The following FLG2 variants were observed in gnomAD, a reference collection of about 807,000 sequenced individuals.
FLG2 encodes filaggrin 2.
In FLG2, 7 loss-of-function variants were observed where a neutral mutation model predicts 3.9. The observed-to-expected ratio is 1.79, with a 90% CI of 1.02 to 3.36. The LOEUF (loss-of-function observed/expected upper bound fraction) is 3.36, where lower values mean the gene tolerates loss of function less well. FLG2 is among the 30% of genes most tolerant of loss of function. The pLI is 0.00. For synonymous variants in FLG2, 1,031 were observed against 1,056.1 expected, an observed-to-expected ratio of 0.98 and a Z score of 0.46; for missense variants, 2,700 against 2,809.4, an observed-to-expected ratio of 0.96 and a Z score of 0.88.
In FLG2 at chr1:152,353,980, C is replaced by T; in HGVS notation, c.3806G>A (p.Arg1269Lys). The T allele has an allele frequency of 6.2e-7, 1 of 1,614,210 alleles. No homozygotes were observed. The highest frequency in any genetic ancestry group is 1.7e-5 in the Admixed American group (1 of 60,024). Residue 1269 changes from arginine (R) to lysine (K), a missense_variant, in exon 3 of 3, where the codon AGA (arginine) becomes AAA (lysine). Arg to Lys is a conservative substitution (Grantham distance 26). Coordinates refer to ENST00000388718, the MANE Select transcript of FLG2 (RefSeq NM_001014342.3). ...QTGSRVTRRRRSSQSENSDSE... is the reference protein window; with the variant it reads ...QTGSRVTRRRKSSQSENSDSE... ...GTCACTGTTCTCACTTTGGCTAGAT[C>T]TTCGTCTTCTAGTTACCCTGGACCC...
rs1570933869 is a variant in FLG2 at position 152,349,035 on chromosome 1, C to T, written c.*1575G>A. 2 of 152,110 alleles carry T rather than the reference C, an allele frequency of 1.3e-5. No homozygotes were observed. Among genetic ancestry groups the T allele is most frequent in the Non-Finnish European group, 2.9e-5 (2 of 68,022 alleles). 9.4% of individuals were successfully genotyped at this position (152,110 alleles called of 1,614,324 possible). A position where few individuals can be genotyped will look rare whatever the true frequency, so the allele number is the denominator to read the frequency against. On this transcript the variant is annotated 3_prime_UTR_variant, in exon 3 of 3. Transcript: ENST00000388718. ...TCTGGAAAATCCAAATTTTGAAATTCGGAAATTTTTTTAAAACCTAATTTT... is the reference window on the plus strand; with the variant it reads ...TCTGGAAAATCCAAATTTTGAAATTTGGAAATTTTTTTAAAACCTAATTTT...
chr1:152,357,361 T>A lies in FLG2; in HGVS notation c.425A>T (p.Tyr142Phe). The A allele has an allele frequency of 6.2e-7, 1 of 1,614,200 alleles. No individual in the cohort carries two copies. Among genetic ancestry groups the A allele is most frequent in the East Asian group, 2.2e-5 (1 of 44,882 alleles). Residue 142 changes from tyrosine (Y) to phenylalanine (F), a missense_variant, in exon 3 of 3, where the codon TAT (tyrosine) becomes TTT (phenylalanine). Transcript: ENST00000388718. ...SSWSEGEEHG[Y>F]SSGHSRGTVK... ...AGTTCCCCTTGAGTGCCCAGAACTA[T>A]ATCCATGCTCCTCTCCCTCACTCCA...
chr1:152,358,878 C>T lies in FLG2; in HGVS notation c.7G>A (p.Asp3Asn), dbSNP rs140278027. The T allele has an allele frequency of 5.0e-4, 809 of 1,611,236 alleles. No individual in the cohort carries two copies. The highest frequency in any genetic ancestry group is 1.7e-3 in the Middle Eastern group (10 of 6,044). Residue 3 changes from aspartate (D) to asparagine (N), a missense_variant, in exon 2 of 3, where the codon GAC (aspartate) becomes AAC (asparagine). Coordinates refer to ENST00000388718, the MANE Select transcript of FLG2 (RefSeq NM_001014342.3). MT[D>N]LLRSVVTVID... ...ACGGTGACAACACTTCTCAAGAGGTCGGTCATCTTTTTGCAAGTTTAAGTG... is the reference window on the plus strand; with the variant it reads ...ACGGTGACAACACTTCTCAAGAGGTTGGTCATCTTTTTGCAAGTTTAAGTG...
chr1:152,359,869 T>C (rs1462808190), intron 1 of FLG2, 87 bp downstream of exon 1: 2 of 152,176 alleles, frequency 1.3e-5, no homozygotes, highest in South Asian at 2.1e-4. Context: ...AAAATATACA[T>C]GAACTCTGCC....
rs1318118183 is a variant in FLG2, at chr1:152,356,463, C to T, written c.1323G>A (p.Gly441=). ...QHGTGLSQSS[G]FEQHVCGSGQ... Reference sequence around the variant, plus strand: ...CTGAGCCACATACATGTTGTTCGAACCCAGAGGACTGACTCAAGCCTGTTC... The same window carrying T: ...CTGAGCCACATACATGTTGTTCGAATCCAGAGGACTGACTCAAGCCTGTTC... Residue 441 remains glycine (G), a synonymous_variant, in exon 3 of 3, where the codon GGG becomes GGA. Transcript: ENST00000388718. 1.2e-6 allele frequency: 2 copies of T among 1,614,146 alleles called. No homozygotes were observed. Among genetic ancestry groups the T allele is most frequent in the Admixed American group, 1.7e-5 (1 of 60,026 alleles).
Position 152,351,207 on chromosome 1 carries a change from T to C in FLG2, c.6579A>G (p.Ser2193=). 2 of 1,613,598 alleles carry C rather than the reference T, an allele frequency of 1.2e-6. No individual in the cohort carries two copies. Among genetic ancestry groups the C allele is most frequent in the Non-Finnish European group, 1.7e-6 (2 of 1,179,920 alleles). Residue 2193 remains serine, a synonymous_variant, in exon 3 of 3, where the codon TCA becomes TCG. Coordinates refer to ENST00000388718, the MANE Select transcript of FLG2 (RefSeq NM_001014342.3). ...SSDSEVHSEA[S]PTHSGHTHSQ... is the part of the protein sequence containing the mutation. ...TGTGAGTGTGTCCTGAATGTGTGGG[T>C]GAGGCCTCTGAGTGCACTTCACTAT... is the stretch of plus-strand genomic sequence containing the variant.
In FLG2 at chr1:152,355,641, C is replaced by G. The variant is rs772625518; in HGVS notation, c.2145G>C (p.Gln715His). 5 of 1,612,982 alleles carry G rather than the reference C, an allele frequency of 3.1e-6. No homozygotes were observed. In the South Asian group the frequency reaches 4.4e-5, roughly 14 times the overall value. The change falls in exon 3 of 3, where the codon CAG becomes CAC. Residue 715 changes from glutamine (Q) to histidine (H), a missense_variant. Physicochemically the swap from Gln to His is conservative, Grantham distance 24. Transcript: ENST00000388718. The stretch of plus-strand genomic sequence containing the variant: ...ACTCGTGTTGTCCAAATCCAGATGT[C>G]TGTCCTGAACTTGACCCATGTTGAC... Reference protein sequence around the residue: ...GYGQHGSSSGQTSGFGQHELS... With the variant: ...GYGQHGSSSGHTSGFGQHELS...
chr1:152,357,949 T>C (rs912925103), intron 2 of FLG2, among the ~76,000 whole-genome samples: 1 of 152,160 alleles, frequency 6.6e-6, no homozygotes, highest in Non-Finnish European at 1.5e-5. Context: ...AAGTTTTACA[T>C]AAATTGTAAC....
intron 2 of FLG2, 37 bp from the exon 3 acceptor site, chr1:152,357,684 G>T (rs1654305416): frequency 1.4e-6 from 2 of 1,466,868 alleles, no homozygotes; most frequent in Non-Finnish European, 1.9e-6. Context: ...GACCTGGTCA[G>T]CCTAACCTGC....
chr1:152,358,239 T>C (rs1182996207), intron 2 of FLG2, among the ~76,000 whole-genome samples: 2 of 152,138 alleles, frequency 1.3e-5, no homozygotes, highest in Non-Finnish European at 2.9e-5. Flanking sequence ...GCCAGGATGG[T>C]CTTGATCTCC....
Position 152,352,859 on chromosome 1 carries a change from A to G in FLG2, c.4927T>C (p.Ser1643Pro), listed in dbSNP as rs765986373. 1.2e-6 allele frequency: 2 copies of G among 1,611,922 alleles called. No homozygotes were observed. Among genetic ancestry groups the G allele is most frequent in the South Asian group, 1.1e-5 (1 of 90,986 alleles). ...GATCTCTGTCTTCCAGTTGTCCTGG[A>G]CCCTCTCTGTGTGGACTGTCCATGA... is the stretch of plus-strand genomic sequence containing the variant. Reference protein sequence around the residue: ...SGHGQSTQRGSRTTGRQRSSH... With the variant: ...SGHGQSTQRGPRTTGRQRSSH... The change falls in exon 3 of 3, where the codon TCC becomes CCC. Residue 1643 changes from serine (S) to proline (P), a missense_variant. By Grantham distance (74) the Ser-to-Pro change is moderately conservative. Coordinates refer to ENST00000388718, the MANE Select transcript of FLG2 (RefSeq NM_001014342.3).
chr1:152,356,947 C>G lies in FLG2; in HGVS notation c.839G>C (p.Cys280Ser). The change falls in exon 3 of 3, where the codon TGT (cysteine) becomes TCT (serine). Residue 280 changes from cysteine (C) to serine (S), a missense_variant. Physicochemically the swap from Cys to Ser is moderately radical, Grantham distance 112. Transcript: ENST00000388718. ...ACACCCACTTGAATTGCTATAACCA[C>G]ATGCATGACTTCGCCTCCCACTGTC... ...SGDSGRRSHA[C>S]GYSNSSGCGR... 1 of 1,614,214 alleles carries G rather than the reference C, an allele frequency of 6.2e-7. No individual in the cohort carries two copies. The highest frequency in any genetic ancestry group is 2.2e-5 in the East Asian group (1 of 44,884).
Position 152,354,847 on chromosome 1 carries a change from C to A in FLG2, c.2939G>T (p.Gly980Val). The A allele has an allele frequency of 1.2e-6, 2 of 1,613,648 alleles. No individual in the cohort carries two copies. The highest frequency in any genetic ancestry group is 1.1e-5 in the South Asian group (1 of 91,056). Reference sequence around the variant, plus strand: ...TCCAAAGCCAGAGGATTTTCCTGAGCCTGACTCATGTTGTCCAAAGCCAGA... The same window carrying A: ...TCCAAAGCCAGAGGATTTTCCTGAGACTGACTCATGTTGTCCAAAGCCAGA... Reference protein sequence around the residue: ...QSSGFGQHESGSGKSSGFGQH... With the variant: ...QSSGFGQHESVSGKSSGFGQH... The change falls in exon 3 of 3, where the codon GGC becomes GTC. Residue 980 changes from glycine to valine, a missense_variant. Transcript: ENST00000388718.
chr1:152,354,129 G>A lies in FLG2; in HGVS notation c.3657C>T (p.Gly1219=). The A allele has an allele frequency of 6.2e-7, 1 of 1,614,224 alleles. No homozygotes were observed. The highest frequency in any genetic ancestry group is 1.1e-5 in the South Asian group (1 of 91,088). Residue 1219 remains glycine, a synonymous_variant, in exon 3 of 3, where the codon GGC becomes GGT. Coordinates refer to ENST00000388718, the MANE Select transcript of FLG2 (RefSeq NM_001014342.3). ...ACTCTACTTGTTGAGATTCACCCTG[G>A]CCCAAGCCAGTTGATTGACCTGAGC... is the stretch of plus-strand genomic sequence containing the variant. The part of the protein sequence containing the change: ...GSGSGQSTGL[G]QGESQQVESG...
rs909356869 is a variant in FLG2 at position 152,351,144 on chromosome 1, T to C, written c.6642A>G (p.Ser2214=). The C allele has an allele frequency of 1.5e-5, 25 of 1,613,176 alleles. No individual in the cohort carries two copies. The highest frequency in any genetic ancestry group is 2.1e-5 in the Non-Finnish European group (25 of 1,179,806). Residue 2214 remains serine, a synonymous_variant, in exon 3 of 3, where the codon TCA becomes TCG. Coordinates refer to ENST00000388718, the MANE Select transcript of FLG2 (RefSeq NM_001014342.3). ...GAGTAGTTCCCTGTCTCCCATGACCTGAGGATCCTGACTGTCCATGTCGAG... is the reference window on the plus strand; with the variant it reads ...GAGTAGTTCCCTGTCTCCCATGACCCGAGGATCCTGACTGTCCATGTCGAG... ...AGSRHGQSGS[S]GHGRQGTTHG... is the part of the protein sequence containing the mutation.
chr1:152,356,478 C>G lies in FLG2; in HGVS notation c.1308G>C (p.Leu436Phe), dbSNP rs528960138. ...GTTGTTCGAACCCAGAGGACTGACT[C>G]AAGCCTGTTCCATGTTGTTCAAAGC... ...STSFEQHGTG[L>F]SQSSGFEQHV... is the part of the protein sequence containing the mutation. Residue 436 changes from leucine (L) to phenylalanine (F), a missense_variant, in exon 3 of 3, where the codon TTG becomes TTC. Transcript: ENST00000388718. The G allele has an allele frequency of 4.9e-5, 79 of 1,614,110 alleles. No homozygotes were observed. In the Middle Eastern group the frequency reaches 4.9e-4, roughly 10 times the overall value.
chr1:152,354,428 A>G lies in FLG2; in HGVS notation c.3358T>C (p.Ser1120Pro). The G allele has an allele frequency of 6.2e-7, 1 of 1,614,080 alleles. No homozygotes were observed. The highest frequency in any genetic ancestry group is 8.5e-7 in the Non-Finnish European group (1 of 1,180,010). Residue 1120 changes from serine to proline, a missense_variant, in exon 3 of 3, where the codon TCG becomes CCG. Ser to Pro is a moderately conservative substitution (Grantham distance 74). Transcript: ENST00000388718. ...GQSSGFGQYGSGSGQSSGFGQ... is the reference protein window; with the variant it reads ...GQSSGFGQYGPGSGQSSGFGQ... ...AAGCCAGAAGACTGACCTGAGCCCG[A>G]TCCATATTGGCCAAAGCCAGAGGAC...
chr1:152,354,203 G>A lies in FLG2; in HGVS notation c.3583C>T (p.His1195Tyr). 1 of 1,614,214 alleles carries A rather than the reference G, an allele frequency of 6.2e-7. No individual in the cohort carries two copies. Among genetic ancestry groups the A allele is most frequent in the Non-Finnish European group, 8.5e-7 (1 of 1,180,038 alleles). ...GTGGACTGACCTGAGTCAGATATATGTTGTCCAGAACTAGAGAAATTGTCT... is the reference window on the plus strand; with the variant it reads ...GTGGACTGACCTGAGTCAGATATATATTGTCCAGAACTAGAGAAATTGTCT... The part of the protein sequence containing the change: ...GSDNFSSSGQ[H>Y]ISDSGQSTGF... Residue 1195 changes from histidine to tyrosine, a missense_variant, in exon 3 of 3, where the codon CAT (histidine) becomes TAT (tyrosine). By Grantham distance (83) the His-to-Tyr change is moderately conservative. Transcript: ENST00000388718.
At position 152,352,988 on chromosome 1, in the gene FLG2, CGTAA is replaced by C. The variant is rs1557896067; in HGVS notation, c.4794_4797del (p.Tyr1599AlafsTer25). 24 of 1,613,202 alleles carry C rather than the reference CGTAA, an allele frequency of 1.5e-5. No homozygotes were observed. Among genetic ancestry groups the C allele is most frequent in the Non-Finnish European group, 1.9e-5 (23 of 1,179,820 alleles). On this transcript the variant is annotated frameshift_variant, in exon 3 of 3. Coordinates refer to ENST00000388718, the MANE Select transcript of FLG2 (RefSeq NM_001014342.3). LOFTEE classifies it low-confidence loss of function (END_TRUNC). ...TCTTCATGTTGAGATCCGGCTTGGC[CGTAA>C]GTGTGTTCTCGTGAGTGTGGTCTGT...
Sources: allele counts gnomAD v4.1 joint callset (sites outside exome capture counted in the v4.1 genomes callset), GRCh38; gene constraint gnomAD v4.1.1; transcripts MANE v1.5; gene names NCBI Gene and HGNC (gene_info 2026-07-23, HGNC 2026-07-21).